The following LIPJ variants were observed in gnomAD, a reference collection of about 807,000 sequenced individuals.
The protein encoded by LIPJ is lipase family member J.
Under a neutral mutation model 39.8 loss-of-function variants are expected in LIPJ, and 33 were observed. The ratio of observed to expected loss-of-function variants is 0.83; its 90% CI spans 0.63 to 1.11. The LOEUF (loss-of-function observed/expected upper bound fraction) is 1.11, where lower values mean the gene tolerates loss of function less well. Ranked by LOEUF, LIPJ falls within the 50% of genes least tolerant of loss-of-function variation. The pLI is 0.00. For missense variants in LIPJ, 422 were observed against 427.9 expected, an observed-to-expected ratio of 0.99 and a Z score of 0.12; for synonymous variants, 128 against 139.2, an observed-to-expected ratio of 0.92 and a Z score of 0.57.
At chr10:88,611,452 A>T, downstream of LIPJ, among the ~76,000 whole-genome samples, 1 of 152,362 alleles carries the variant, frequency 6.6e-6, no homozygotes, top group Non-Finnish European at 1.5e-5. Context: ...CAGAAAGTTG[A>T]TTATTAAGCT....
upstream of LIPJ, chr10:88,583,605 C>T: frequency 1.0e-6 from 1 of 995,924 alleles, no homozygotes; most frequent in Non-Finnish European, 1.2e-6. Context: ...TGCTGTTTTA[C>T]TATTCTAGAT....
intron 6 of LIPJ, among the ~76,000 whole-genome samples, chr10:88,595,430 A>G (rs1851221085): frequency 6.6e-6 from 1 of 151,758 alleles, no homozygotes; most frequent in African/African-American, 2.4e-5. Context: ...GCTGAAGACT[A>G]TAATTTTCTT....
At chr10:88,610,798 G>T (rs936795980), downstream of LIPJ, among the ~76,000 whole-genome samples, 2 of 152,132 alleles carry the variant, frequency 1.3e-5, no homozygotes, top group African/African-American at 4.8e-5. Flanking sequence ...ATTGTTTTCA[G>T]AAATGGACAG....
intron 8 of LIPJ, among the ~76,000 whole-genome samples, chr10:88,601,041 C>T (rs12782546): frequency 1.2e-4 from 18 of 152,112 alleles, no homozygotes; most frequent in Middle Eastern, 3.4e-3. Context: ...TTCTGCCTCC[C>T]GGGTTCAGGC....
downstream of LIPJ, among the ~76,000 whole-genome samples, chr10:88,611,625 G>A (rs919347105): frequency 6.6e-6 from 1 of 152,144 alleles, no homozygotes; most frequent in Non-Finnish European, 1.5e-5. Context: ...AAATGTACTG[G>A]AAAGCCTCAG....
chr10:88,584,785 T>C (rs189236739), upstream of LIPJ, among the ~76,000 whole-genome samples: 2 of 152,284 alleles, frequency 1.3e-5, no homozygotes, highest in Admixed American at 1.3e-4. Context: ...GTGTATACTT[T>C]ATGTAGAGAT....
the LIPJ span, among the ~76,000 whole-genome samples, chr10:88,617,276 A>T: frequency 6.6e-6 from 1 of 152,188 alleles, no homozygotes; most frequent in Admixed American, 6.5e-5. Flanking sequence ...ACCTGAAGTT[A>T]GGTGAGATAG....
At chr10:88,610,808 G>A (rs529230079), downstream of LIPJ, among the ~76,000 whole-genome samples, 1 of 152,218 alleles carries the variant, frequency 6.6e-6, no homozygotes, top group South Asian at 2.1e-4. Context: ...GAAATGGACA[G>A]CATAATTTTA....
chr10:88,606,744 T>C, exon 11 of LIPJ: 1 of 1,613,576 alleles, frequency 6.2e-7, no homozygotes, highest in Non-Finnish European at 8.5e-7. Flanking sequence ...AAAAGTGACT[T>C]GTTGGCTGAC....
the LIPJ span, among the ~76,000 whole-genome samples, chr10:88,617,984 C>G: frequency 1.3e-5 from 2 of 152,216 alleles, no homozygotes; most frequent in Non-Finnish European, 2.9e-5. Context: ...CCTAGATGAT[C>G]TTACACTTTT....
chr10:88,603,469 T>TA (rs569280381), intron 9 of LIPJ, among the ~76,000 whole-genome samples: 19 of 152,130 alleles, frequency 1.2e-4, no homozygotes, highest in African/African-American at 3.6e-4. Flanking sequence ...ATGATATTGA[T>TA]AAAAAAAATC....
chr10:88,620,852 G>C, the LIPJ span, among the ~76,000 whole-genome samples: 1 of 152,170 alleles, frequency 6.6e-6, no homozygotes, highest in Non-Finnish European at 1.5e-5. Flanking sequence ...CACAGTTCTA[G>C]AGGCTGGGAA....
intron 8 of LIPJ, among the ~76,000 whole-genome samples, chr10:88,599,679 A>G (rs1458261921): frequency 3.5e-5 from 5 of 144,110 alleles, no homozygotes; most frequent in Non-Finnish European, 7.7e-5. Context: ...TTATATATAC[A>G]TACATATATA....
upstream of LIPJ, chr10:88,583,453 C>T: frequency 7.5e-7 from 1 of 1,329,222 alleles, no homozygotes; most frequent in Non-Finnish European, 9.6e-7. Flanking sequence ...GGGCCGGGCG[C>T]CCTGCCCCTC....
intron 2 of LIPJ, 31 bp from the exon 3 acceptor site, chr10:88,590,554 A>C (rs1851044764): frequency 3.0e-6 from 2 of 662,670 alleles, no homozygotes; most frequent in South Asian, 3.3e-5. Flanking sequence ...CTGCAATTTT[A>C]ACTGTATAAA....
chr10:88,613,105 G>A, the LIPJ span, among the ~76,000 whole-genome samples: 8 of 152,126 alleles, frequency 5.3e-5, no homozygotes, highest in Non-Finnish European at 1.0e-4. Flanking sequence ...AGAAGCTAGC[G>A]TAGTTGCAGG....
In LIPJ at chr10:88,594,779, A is replaced by T; in HGVS notation, c.439+3A>T. 7.5e-7 allele frequency: 1 copy of T among 1,330,054 alleles called. No homozygotes were observed. Among genetic ancestry groups the T allele is most frequent in the East Asian group, 2.5e-5 (1 of 40,198 alleles). 82.4% of individuals were successfully genotyped at this position (1,330,054 alleles called of 1,614,324 possible). On this transcript the variant is annotated splice_donor_region_variant and intron_variant, in intron 6 of 10. Coordinates refer to ENST00000371939, the Ensembl canonical transcript of LIPJ. ...CCATTCACAGGGTACTACTATTGGTATGCCAAGAAAGATTATTGCTAATAT... is the reference window on the plus strand; with the variant it reads ...CCATTCACAGGGTACTACTATTGGTTTGCCAAGAAAGATTATTGCTAATAT...
At chr10:88,602,691 A>G in intron 9 of LIPJ, 44 bp downstream of exon 9, 1 of 1,264,134 alleles carries the variant, frequency 7.9e-7, no homozygotes, top group Non-Finnish European at 1.1e-6. Context: ...AATTCATGCT[A>G]CTCATGGTTT....
intron 2 of LIPJ, among the ~76,000 whole-genome samples, chr10:88,589,676 G>A (rs1296196841): frequency 1.3e-5 from 2 of 151,750 alleles, no homozygotes; most frequent in Admixed American, 1.3e-4. Flanking sequence ...TCAAGTATGT[G>A]CATGTAAATT....
Sources: allele counts gnomAD v4.1 joint callset (sites outside exome capture counted in the v4.1 genomes callset), GRCh38; gene constraint gnomAD v4.1.1; transcripts MANE v1.5; gene names NCBI Gene and HGNC (gene_info 2026-07-23, HGNC 2026-07-21).